The following FAM209B variants were observed in gnomAD, a reference collection of about 807,000 sequenced individuals.
FAM209B encodes family with sequence similarity 209 member B.
Under a neutral mutation model 8.9 loss-of-function variants are expected in FAM209B, and 8 were observed. That is an observed-to-expected ratio of 0.90 (90% CI 0.53 to 1.62). The LOEUF is 1.62. FAM209B is among the 40% of genes most tolerant of loss of function. The probability of loss-of-function intolerance (pLI) is 0.00; values close to 1 mark genes in which losing one functional copy is unlikely to be tolerated. For synonymous variants in FAM209B, 67 were observed against 75.0 expected, an observed-to-expected ratio of 0.89 and a Z score of 0.55; for missense variants, 175 against 205.3, an observed-to-expected ratio of 0.85 and a Z score of 0.90.
intron 1 of FAM209B, 104 bp downstream of exon 1, chr20:56,533,694 AC>A (rs1193768636): frequency 6.7e-7 from 1 of 1,502,712 alleles, no homozygotes; most frequent in African/African-American, 1.4e-5. Context: ...GGTATAATGA[AC>A]CGACCTCATG....
Position 56,533,301 on chromosome 20 carries a change from A to C in FAM209B, c.-41A>C. 1.9e-6 allele frequency: 3 copies of C among 1,607,366 alleles called. No homozygotes were observed. The highest frequency in any genetic ancestry group is 2.6e-6 in the Non-Finnish European group (3 of 1,175,064). ...CAGTCTTCCAGTTGCGAGGGCAAGC[A>C]AACCCGTCATGAGCAACTCCCTTCC... On this transcript the variant is annotated 5_prime_UTR_variant, in exon 1 of 2. Transcript: ENST00000371325.
In FAM209B at chr20:56,533,449, G is replaced by A; in HGVS notation, c.108G>A (p.Val36=). Residue 36 remains valine (V), a synonymous_variant, in exon 1 of 2, where the codon GTG becomes GTA. Coordinates refer to ENST00000371325, the MANE Select transcript of FAM209B (RefSeq NM_001013646.4). ...AAACTAGCGAACCCCAGGGGAAGGT[G>A]CCGTGTGGAGAGCACTTTCGGATTC... The part of the protein sequence containing the change: ...RQKTSEPQGK[V]PCGEHFRIRQ... The A allele has an allele frequency of 6.2e-7, 1 of 1,610,852 alleles. No homozygotes were observed. Among genetic ancestry groups the A allele is most frequent in the Non-Finnish European group, 8.5e-7 (1 of 1,177,210 alleles).
intron 1 of FAM209B, among the ~76,000 whole-genome samples, chr20:56,535,681 C>CA (rs1172858786): frequency 2.0e-5 from 3 of 151,118 alleles, no homozygotes; most frequent in Admixed American, 6.6e-5. Flanking sequence ...AACTGTGTCT[C>CA]AAAAAAACAA....
Position 56,536,160 on chromosome 20 carries a change from C to T in FAM209B, c.250-12C>T. On this transcript the variant is annotated splice_polypyrimidine_tract_variant and intron_variant, in intron 1 of 1. Coordinates refer to ENST00000371325, the MANE Select transcript of FAM209B (RefSeq NM_001013646.4). ...CCATGATATTATTGACCTTGAATAT[C>T]TTTCTTGACAGGAGCAGAGTCCTCC... 1 of 1,517,014 alleles carries T rather than the reference C, an allele frequency of 6.6e-7. No individual in the cohort carries two copies. The highest frequency in any genetic ancestry group is 2.3e-5 in the East Asian group (1 of 43,828). 94.0% of individuals were successfully genotyped at this position (1,517,014 alleles called of 1,614,324 possible).
intron 1 of FAM209B, among the ~76,000 whole-genome samples, chr20:56,535,847 AG>A (rs1297774885): frequency 1.1e-4 from 17 of 152,318 alleles, no homozygotes; most frequent in African/African-American, 3.8e-4. Flanking sequence ...GATTAGAGGA[AG>A]GATTGGCAAA....
At chr20:56,534,580 T>C (rs1985898564) in intron 1 of FAM209B, among the ~76,000 whole-genome samples, 1 of 150,370 alleles carries the variant, frequency 6.7e-6, no homozygotes, top group African/African-American at 2.5e-5. Context: ...AAACCCTGTC[T>C]CTACTAAAAA....
intron 1 of FAM209B, among the ~76,000 whole-genome samples, chr20:56,534,380 C>T (rs917185980): frequency 6.6e-6 from 1 of 151,700 alleles, no homozygotes; most frequent in Non-Finnish European, 1.5e-5. Flanking sequence ...TTTGGGAGGC[C>T]GAGACGGGCA....
chr20:56,535,897 T>C (rs142700065), intron 1 of FAM209B, among the ~76,000 whole-genome samples: 56 of 152,320 alleles, frequency 3.7e-4, no homozygotes, highest in African/African-American at 1.3e-3. Context: ...TATTTACAGC[T>C]TTGTGGGCAG....
At chr20:56,535,425 CTACAAAAA>C (rs1985941684) in intron 1 of FAM209B, among the ~76,000 whole-genome samples, 1 of 149,862 alleles carries the variant, frequency 6.7e-6, no homozygotes, top group Non-Finnish European at 1.5e-5. Flanking sequence ...AACCCTGTCT[CTACAAAAA>C]TACAAAAATT....
At chr20:56,533,644 A>G in intron 1 of FAM209B, 54 bp downstream of exon 1, 1 of 1,599,880 alleles carries the variant, frequency 6.3e-7, no homozygotes, top group South Asian at 1.1e-5. Flanking sequence ...CAGGAGTCTC[A>G]GGGAAACGGA....
At chr20:56,536,072 G>C (rs1342565286) in intron 1 of FAM209B, 100 bp from the exon 2 acceptor site, 4 of 1,144,582 alleles carry the variant, frequency 3.5e-6, no homozygotes, top group Non-Finnish European at 3.6e-6. Flanking sequence ...CTCGAGCACT[G>C]CTAGAACCAT....
intron 1 of FAM209B, among the ~76,000 whole-genome samples, chr20:56,535,917 C>CAA (rs1985957035): frequency 6.6e-6 from 1 of 152,292 alleles, no homozygotes; most frequent in South Asian, 2.1e-4. Context: ...GTACGGTCTT[C>CAA]CTTGCAACTA....
chr20:56,533,446 G>A lies in FAM209B; in HGVS notation c.105G>A (p.Lys35=), dbSNP rs776754362. 23 of 1,610,552 alleles carry A rather than the reference G, an allele frequency of 1.4e-5. No homozygotes were observed. Among genetic ancestry groups the A allele is most frequent in the Middle Eastern group, 1.6e-4 (1 of 6,082 alleles). The change falls in exon 1 of 2, where the codon AAG becomes AAA. Residue 35 remains lysine, a synonymous_variant. Coordinates refer to ENST00000371325, the MANE Select transcript of FAM209B (RefSeq NM_001013646.4). ...LRQKTSEPQG[K]VPCGEHFRIR... ...AGAAAACTAGCGAACCCCAGGGGAA[G>A]GTGCCGTGTGGAGAGCACTTTCGGA...
At chr20:56,534,533 G>A (rs186204426) in intron 1 of FAM209B, among the ~76,000 whole-genome samples, 55 of 149,638 alleles carry the variant, frequency 3.7e-4, no homozygotes, top group East Asian at 2.4e-3. Context: ...GGTGAATCAC[G>A]AGGTCAGGAG....
At chr20:56,535,694 A>C (rs1239200349) in intron 1 of FAM209B, among the ~76,000 whole-genome samples, 1 of 152,006 alleles carries the variant, frequency 6.6e-6, no homozygotes, top group Non-Finnish European at 1.5e-5. Flanking sequence ...AAAAACAAAC[A>C]AAAAAAAGAG....
intron 1 of FAM209B, among the ~76,000 whole-genome samples, chr20:56,534,169 G>A (rs1235057103): frequency 3.3e-5 from 5 of 152,072 alleles, no homozygotes; most frequent in Admixed American, 6.6e-5. Flanking sequence ...AGAACTTATG[G>A]TGTGTTTTAG....
intron 1 of FAM209B, among the ~76,000 whole-genome samples, chr20:56,535,594 A>C (rs986703704): frequency 5.3e-5 from 8 of 151,986 alleles, no homozygotes; most frequent in Admixed American, 2.6e-4. Flanking sequence ...CCGTCTCACA[A>C]AAAAAAAGAA....
At position 56,533,435 on chromosome 20, in the gene FAM209B, C is replaced by A; in HGVS notation, c.94C>A (p.Pro32Thr). Residue 32 changes from proline to threonine, a missense_variant, in exon 1 of 2, where the codon CCC (proline) becomes ACC (threonine). Around this residue, in one of 2 missense-constraint regions of FAM209B, gnomAD observed 166 missense variants for 174.5 expected, o/e 0.95. Coordinates refer to ENST00000371325, the MANE Select transcript of FAM209B (RefSeq NM_001013646.4). ...TTCTCTGAGACAGAAAACTAGCGAA[C>A]CCCAGGGGAAGGTGCCGTGTGGAGA... ...FSSLRQKTSE[P>T]QGKVPCGEHF... 6.2e-7 allele frequency: 1 copy of A among 1,612,890 alleles called. No individual in the cohort carries two copies. Among genetic ancestry groups the A allele is most frequent in the South Asian group, 1.1e-5 (1 of 90,998 alleles).
chr20:56,535,211 G>T (rs1347600994), intron 1 of FAM209B, among the ~76,000 whole-genome samples: 1 of 150,128 alleles, frequency 6.7e-6, no homozygotes. Context: ...GACAAAGTGA[G>T]ACTCTGTCTC....
Sources: allele counts gnomAD v4.1 joint callset (sites outside exome capture counted in the v4.1 genomes callset), GRCh38; gene constraint gnomAD v4.1.1; regional missense constraint gnomAD v4.1.1; transcripts MANE v1.5; gene names NCBI Gene and HGNC (gene_info 2026-07-23, HGNC 2026-07-21).